TMEM135: variants seen among roughly 807,000 people sequenced by gnomAD.
TMEM135 encodes the protein peroxisomal membrane protein 52.
TMEM135 carries 30 observed loss-of-function variants against 60.3 expected under a neutral mutation model. That is an observed-to-expected ratio of 0.50 (90% CI 0.37 to 0.68). The LOEUF (loss-of-function observed/expected upper bound fraction) is 0.68, where lower values mean the gene tolerates loss of function less well. Ranked by LOEUF, TMEM135 falls within the 30% of genes least tolerant of loss-of-function variation. The probability of loss-of-function intolerance (pLI) is 0.00; values close to 1 mark genes in which losing one functional copy is unlikely to be tolerated. For missense variants in TMEM135, 468 were observed against 548.8 expected, an observed-to-expected ratio of 0.85 and a Z score of 1.47; for synonymous variants, 190 against 186.7, an observed-to-expected ratio of 1.02 and a Z score of -0.14.
chr11:87,285,690 G>C (rs753608703), intron 6 of TMEM135, among the ~76,000 whole-genome samples: 2 of 152,200 alleles, frequency 1.3e-5, no homozygotes, highest in Non-Finnish European at 2.9e-5. Context: ...AAGAGGTATT[G>C]CAAAGAGCGA....
chr11:87,104,735 A>G (rs1313330873), intron 4 of TMEM135, among the ~76,000 whole-genome samples: 1 of 152,176 alleles, frequency 6.6e-6, no homozygotes, highest in Non-Finnish European at 1.5e-5. Context: ...GTATTAGTGT[A>G]TAAAAATATT....
At chr11:87,285,729 G>A (rs1479292753) in intron 6 of TMEM135, among the ~76,000 whole-genome samples, 2 of 152,206 alleles carry the variant, frequency 1.3e-5, no homozygotes, top group Non-Finnish European at 2.9e-5. Context: ...GCGTGGAAGG[G>A]GACCCGAGCA....
chr11:87,290,412 G>A (rs1942243768), intron 6 of TMEM135, among the ~76,000 whole-genome samples: 1 of 152,072 alleles, frequency 6.6e-6, no homozygotes, highest in Non-Finnish European at 1.5e-5. Context: ...TGTGTTTTTA[G>A]AGGAAAACCT....
At chr11:87,187,017 C>G (rs1284209389) in intron 5 of TMEM135, among the ~76,000 whole-genome samples, 1 of 152,144 alleles carries the variant, frequency 6.6e-6, no homozygotes, top group Non-Finnish European at 1.5e-5. Flanking sequence ...TGGGTCTTAT[C>G]TAACATAATA....
intron 5 of TMEM135, among the ~76,000 whole-genome samples, chr11:87,170,264 C>G (rs545022475): frequency 2.0e-5 from 3 of 152,078 alleles, no homozygotes; most frequent in Non-Finnish European, 4.4e-5. Flanking sequence ...TTGTTATTAC[C>G]CACCTTCTGA....
chr11:87,296,345 C>T (rs1178467731), intron 7 of TMEM135, among the ~76,000 whole-genome samples: 1 of 152,126 alleles, frequency 6.6e-6, no homozygotes, highest in African/African-American at 2.4e-5. Context: ...AGAATTTTCT[C>T]ATAGATTAGA....
chr11:87,143,878 C>A (rs952918220), intron 4 of TMEM135, among the ~76,000 whole-genome samples: 2 of 152,064 alleles, frequency 1.3e-5, no homozygotes, highest in Admixed American at 1.3e-4. Flanking sequence ...GAGTTTGGTG[C>A]GCACCCCTTG....
chr11:87,122,463 A>ATTTAT (rs369588006), intron 4 of TMEM135, among the ~76,000 whole-genome samples: 3 of 74,750 alleles, frequency 4.0e-5, no homozygotes, highest in African/African-American at 1.3e-4. Context: ...TTATTTATTT[A>ATTTAT]TTATTTATTT....
intron 5 of TMEM135, among the ~76,000 whole-genome samples, chr11:87,209,363 T>C (rs1791739482): frequency 6.6e-6 from 1 of 152,106 alleles, no homozygotes; most frequent in Non-Finnish European, 1.5e-5. Context: ...AAAGGCCTAT[T>C]AGCCAAATGG....
intron 10 of TMEM135, among the ~76,000 whole-genome samples, chr11:87,312,667 G>C (rs1051171399): frequency 1.3e-5 from 2 of 151,726 alleles, no homozygotes; most frequent in African/African-American, 4.8e-5. Flanking sequence ...ATTAGAACTT[G>C]ATGTAATTTT....
intron 4 of TMEM135, among the ~76,000 whole-genome samples, chr11:87,123,465 A>T (rs10898603): frequency 0.12 from 17,570 of 152,196 alleles, 1,290 homozygotes; most frequent in African/African-American, 0.19. Context: ...GACACCTGTC[A>T]TTGGATTTGG....
chr11:87,294,023 A>G lies in TMEM135; in HGVS notation c.510-1759A>G, dbSNP rs146385036. The stretch of plus-strand genomic sequence containing the variant: ...CTTCTCCACAGCCTCACCAGCATCT[A>G]TTGTTCCCTGACTTTTTAATAATCG... On this transcript the variant is annotated intron_variant, in intron 6 of 14. Transcript: ENST00000305494. 9.4e-3 allele frequency among the ~76,000 whole-genome samples: 1,437 copies of G among 152,192 alleles called. 30 individuals are homozygous for G. Among genetic ancestry groups the G allele is most frequent in the African/African-American group, 0.032 (1,337 of 41,544 alleles).
chr11:87,295,038 T>C (rs1466065175), intron 6 of TMEM135, among the ~76,000 whole-genome samples: 1 of 152,202 alleles, frequency 6.6e-6, no homozygotes, highest in Non-Finnish European at 1.5e-5. Context: ...TTCTGACTGC[T>C]ATTACTTTTG....
chr11:87,117,355 A>C (rs1857915741), intron 4 of TMEM135, among the ~76,000 whole-genome samples: 2 of 152,134 alleles, frequency 1.3e-5, no homozygotes, highest in African/African-American at 2.4e-5. Flanking sequence ...TTCATGAAAG[A>C]TCTCTCTGAA....
Position 87,326,277 on chromosome 11 carries a change from T to C in TMEM135, c.*4944T>C, listed in dbSNP as rs764622590. Reference sequence around the variant, plus strand: ...CTTAGACTCAGCATCCCTTTCTGTCTTGAGAGATTCAGGCTTCCATAAAGT... The same window carrying C: ...CTTAGACTCAGCATCCCTTTCTGTCCTGAGAGATTCAGGCTTCCATAAAGT... On this transcript the variant is annotated 3_prime_UTR_variant, in exon 15 of 15. Coordinates refer to ENST00000305494, the MANE Select transcript of TMEM135 (RefSeq NM_022918.4). 22 of 453,952 alleles carry C rather than the reference T, an allele frequency of 4.8e-5. No homozygotes were observed. Among genetic ancestry groups the C allele is most frequent in the Non-Finnish European group, 1.3e-5 (3 of 226,778 alleles). 28.1% of individuals were successfully genotyped at this position (453,952 alleles called of 1,614,324 possible).
intron 5 of TMEM135, among the ~76,000 whole-genome samples, chr11:87,187,802 CTTG>C (rs929616355): frequency 6.6e-6 from 1 of 152,184 alleles, no homozygotes; most frequent in Non-Finnish European, 1.5e-5. Flanking sequence ...ACAACAACTT[CTTG>C]TTGTTTGTGG....
At chr11:87,087,597 T>C (rs1292052181) in intron 3 of TMEM135, among the ~76,000 whole-genome samples, 2 of 152,230 alleles carry the variant, frequency 1.3e-5, no homozygotes, top group African/African-American at 4.8e-5. Context: ...CAAGTCATGA[T>C]AGGACCGAGT....
intron 4 of TMEM135, among the ~76,000 whole-genome samples, chr11:87,130,052 T>A (rs1937872664): frequency 6.6e-6 from 1 of 152,050 alleles, no homozygotes; most frequent in African/African-American, 2.4e-5. Context: ...TTCAGTGGGC[T>A]TCTAGATTTC....
intron 6 of TMEM135, among the ~76,000 whole-genome samples, chr11:87,237,674 C>T (rs1278677850): frequency 1.3e-5 from 2 of 151,884 alleles, no homozygotes; most frequent in African/African-American, 4.8e-5. Flanking sequence ...CTTTGTGTTA[C>T]AAACAATCCA....
Sources: gnomAD v4.1 joint callset for allele counts (sites outside exome capture counted in the v4.1 genomes callset) on GRCh38, gnomAD v4.1.1 for gene constraint, MANE v1.5 for transcripts, NCBI Gene and HGNC (gene_info 2026-07-23, HGNC 2026-07-21) for gene names.